The following HSPG2 variants were observed in gnomAD, a reference collection of about 807,000 sequenced individuals.
HSPG2 encodes the protein basement membrane-specific heparan sulfate proteoglycan core protein.
Under a neutral mutation model 526.6 loss-of-function variants are expected in HSPG2, and 278 were observed. The observed-to-expected ratio is 0.53, with a 90% confidence interval of 0.48 to 0.58. The LOEUF (loss-of-function observed/expected upper bound fraction) is 0.58. HSPG2 is among the 20% of genes least tolerant of loss of function. HSPG2 has a pLI of 0.00. For synonymous variants in HSPG2, 2,465 were observed against 2,555.4 expected (o/e 0.96, Z 1.07); for missense variants, 5,354 against 6,099.5 (o/e 0.88, Z 4.07).
rs370957141 is a variant in HSPG2, at chr1:21,837,046, T to C, written c.10151-40A>G. The C allele has an allele frequency of 1.4e-3, 2,180 of 1,523,422 alleles. 3 individuals carry two copies. Among genetic ancestry groups the C allele is most frequent in the Non-Finnish European group, 1.7e-3 (1,878 of 1,131,786 alleles). The allele number at this position is 1,523,422 out of a possible 1,614,324, so 94.4% of individuals were successfully genotyped here. On this transcript the variant is annotated intron_variant, in intron 74 of 96. Coordinates refer to ENST00000374695, the MANE Select transcript of HSPG2 (RefSeq NM_005529.7). Reference sequence around the variant, plus strand: ...ATGAGGTTCTGCAGGTATATGTGTGTGTGATGTCCCTGATGCCCCTCCAGG... The same window carrying C: ...ATGAGGTTCTGCAGGTATATGTGTGCGTGATGTCCCTGATGCCCCTCCAGG...
At chr1:21,914,311 C>A (rs961068814) in intron 1 of HSPG2, among the ~76,000 whole-genome samples, 4 of 152,076 alleles carry the variant, frequency 2.6e-5, no homozygotes, top group African/African-American at 9.7e-5. Context: ...GAGGGTGATG[C>A]TGACAGAGCA....
At chr1:21,852,327 C>A in intron 52 of HSPG2, 94 bp from the exon 53 acceptor site, 1 of 1,498,356 alleles carries the variant, frequency 6.7e-7, no homozygotes, top group South Asian at 1.2e-5. Flanking sequence ...CCCAGGGTTT[C>A]AAGGCCAGAT....
intron 33 of HSPG2, among the ~76,000 whole-genome samples, chr1:21,871,267 T>TG (rs1640629451): frequency 6.8e-6 from 1 of 147,930 alleles, no homozygotes; most frequent in South Asian, 2.1e-4. Flanking sequence ...TGTTTTTTTT[T>TG]TTTTTTTTTT....
intron 64 of HSPG2, 120 bp downstream of exon 64, chr1:21,845,988 G>A (rs1044149227): frequency 3.7e-5 from 46 of 1,254,968 alleles, no homozygotes; most frequent in Admixed American, 1.4e-4. Context: ...GTGAAGTCTG[G>A]AATCAGAGCG....
intron 85 of HSPG2, 153 bp downstream of exon 85, chr1:21,830,829 G>T: frequency 1.6e-6 from 1 of 639,706 alleles, no homozygotes; most frequent in Non-Finnish European, 2.8e-6. Flanking sequence ...TAGCAGAGAT[G>T]GGGGATGGGT....
Position 21,855,789 on chromosome 1 carries a change from G to T in HSPG2, c.5699C>A (p.Thr1900Lys). The change falls in exon 45 of 97, where the codon ACA becomes AAA. Residue 1900 changes from threonine (T) to lysine (K), a missense_variant and splice_region_variant. Transcript: ENST00000374695. The stretch of plus-strand genomic sequence containing the variant: ...TGTCATTCCCATCACGGCCTCACCT[G>T]TCCACTCGAGGGTGGGCGTGGGGCT... ...TGSPTPTLEW[T>K]GGPGGQLPAK... 6.2e-7 allele frequency: 1 copy of T among 1,613,022 alleles called. No homozygotes were observed. The highest frequency in any genetic ancestry group is 1.1e-5 in the South Asian group (1 of 90,984).
Position 21,836,660 on chromosome 1 carries a change from A to G in HSPG2, c.10355+142T>C, listed in dbSNP as rs12567651. The G allele has an allele frequency of 6.7e-5, 50 of 741,736 alleles. No homozygotes were observed. In the African/African-American group the frequency reaches 7.9e-4, roughly 12 times the overall value. The allele number at this position is 741,736 out of a possible 1,614,324, so 45.9% of individuals were successfully genotyped here. On this transcript the variant is annotated intron_variant, in intron 75 of 96. Transcript: ENST00000374695. The stretch of plus-strand genomic sequence containing the variant: ...TATATAACCCACTGTACAGCTGAGA[A>G]CACTGAGGCTCAGAGAGGTAAAGTG...
chr1:21,868,288 C>T (rs777772340), intron 33 of HSPG2, among the ~76,000 whole-genome samples: 10 of 151,940 alleles, frequency 6.6e-5, no homozygotes, highest in Non-Finnish European at 1.5e-4. Flanking sequence ...TTCGCCTGCC[C>T]CAGTCTCCCA....
intron 25 of HSPG2, 31 bp downstream of exon 25, chr1:21,875,598 A>G (rs914095351): frequency 1.9e-6 from 3 of 1,558,222 alleles, no homozygotes; most frequent in African/African-American, 2.7e-5. Flanking sequence ...CCCCAAGCCC[A>G]TGCTGGTCCT....
chr1:21,879,415 C>T (rs1011814162), intron 17 of HSPG2, among the ~76,000 whole-genome samples: 6 of 152,174 alleles, frequency 3.9e-5, no homozygotes, highest in African/African-American at 7.2e-5. Flanking sequence ...TTCTTCTACC[C>T]GACACCTTTG....
Position 21,837,009 on chromosome 1 carries a change from G to C in HSPG2, c.10151-3C>G, listed in dbSNP as rs950420047. ...GGCAGGGAGAGAGCCGGGAGGGCCT[G>C]CGGGGACATGTATGAGGTTCTGCAG... On this transcript the variant is annotated splice_polypyrimidine_tract_variant and splice_region_variant and intron_variant, in intron 74 of 96. Coordinates refer to ENST00000374695, the MANE Select transcript of HSPG2 (RefSeq NM_005529.7). The C allele has an allele frequency of 6.5e-7, 1 of 1,547,446 alleles. No homozygotes were observed. Among genetic ancestry groups the C allele is most frequent in the Admixed American group, 2.0e-5 (1 of 51,090 alleles).
At chr1:21,830,331 C>G in intron 85 of HSPG2, 2 of 564,680 alleles carry the variant, frequency 3.5e-6, no homozygotes, top group South Asian at 4.0e-5. Context: ...TCTTCAGAGA[C>G]TGGACAGTGT....
chr1:21,855,973 C>T, intron 44 of HSPG2, 61 bp from the exon 45 acceptor site: 2 of 1,591,024 alleles, frequency 1.3e-6, no homozygotes, highest in East Asian at 4.5e-5. Context: ...ACTCACACAA[C>T]AGTCCTGCTG....
chr1:21,884,874 C>A lies in HSPG2; in HGVS notation c.1400G>T (p.Arg467Leu). Residue 467 changes from arginine to leucine, a missense_variant, in exon 12 of 97, where the codon CGT becomes CTT. Arg to Leu is a moderately radical substitution (Grantham distance 102). Transcript: ENST00000374695. ...SEGGRGTLII[R>L]DVKESDQGAY... Reference sequence around the variant, plus strand: ...ACCCTGGTCTGACTCCTTCACATCACGGATGATCAGTGTGCCACGGCCACC... The same window carrying A: ...ACCCTGGTCTGACTCCTTCACATCAAGGATGATCAGTGTGCCACGGCCACC... 1 of 1,614,018 alleles carries A rather than the reference C, an allele frequency of 6.2e-7. No homozygotes were observed. Among genetic ancestry groups the A allele is most frequent in the Non-Finnish European group, 8.5e-7 (1 of 1,180,034 alleles).
intron 1 of HSPG2, among the ~76,000 whole-genome samples, chr1:21,936,549 C>A (rs1447747741): frequency 6.6e-6 from 1 of 152,204 alleles, no homozygotes; most frequent in East Asian, 1.9e-4. Context: ...GGTTAACTAG[C>A]GTGCCCCAGG....
intron 33 of HSPG2, among the ~76,000 whole-genome samples, chr1:21,871,060 C>T (rs2152743133): frequency 1.3e-5 from 2 of 152,238 alleles, no homozygotes; most frequent in South Asian, 2.1e-4. Flanking sequence ...TAGGGCAACC[C>T]CAACCCCAGA....
chr1:21,888,508 G>A (rs999511014), intron 6 of HSPG2, among the ~76,000 whole-genome samples: 5 of 152,044 alleles, frequency 3.3e-5, no homozygotes, highest in African/African-American at 7.3e-5. Flanking sequence ...GTCTTGCTAC[G>A]TTGCCCAAGC....
chr1:21,933,963 G>A (rs1339343073), intron 1 of HSPG2, among the ~76,000 whole-genome samples: 5 of 152,164 alleles, frequency 3.3e-5, no homozygotes, highest in Non-Finnish European at 7.4e-5. Context: ...GTATCTCAGC[G>A]ACTTCCCTCC....
At chr1:21,894,200 G>T (rs764383425) in intron 3 of HSPG2, among the ~76,000 whole-genome samples, 7 of 152,106 alleles carry the variant, frequency 4.6e-5, no homozygotes, top group Non-Finnish European at 1.0e-4. Flanking sequence ...GACACACAGG[G>T]GGCTGGAGCT....
Sources: gnomAD v4.1 joint callset for allele counts (sites outside exome capture counted in the v4.1 genomes callset) on GRCh38, gnomAD v4.1.1 for gene constraint, MANE v1.5 for transcripts, NCBI Gene and HGNC (gene_info 2026-07-23, HGNC 2026-07-21) for gene names.